SEPTIN9: variants seen among roughly 807,000 people sequenced by gnomAD.
SEPTIN9 encodes septin-9.
Under a neutral mutation model 56.6 loss-of-function variants are expected in SEPTIN9, and 13 were observed. The observed-to-expected ratio is 0.23, with a 90% CI of 0.15 to 0.37. The LOEUF (loss-of-function observed/expected upper bound fraction) is 0.37. Among genes scored for constraint, SEPTIN9 ranks in the 10% least tolerant of loss-of-function variants. The pLI is 1.00. For missense variants in SEPTIN9, 650 were observed against 823.1 expected (o/e 0.79, Z 2.57); for synonymous variants, 332 against 334.1 (o/e 0.99, Z 0.07).
chr17:77,408,504 C>T (rs925787569), intron 3 of SEPTIN9, among the ~76,000 whole-genome samples: 2 of 152,170 alleles, frequency 1.3e-5, no homozygotes, highest in African/African-American at 2.4e-5. Context: ...CGCACCGGGC[C>T]GTGTGTTCCA....
chr17:77,284,149 C>T (rs551897658), intron 1 of SEPTIN9, among the ~76,000 whole-genome samples: 1 of 152,308 alleles, frequency 6.6e-6, no homozygotes, highest in Non-Finnish European at 1.5e-5. Context: ...ACTCAGGAGG[C>T]TGAGACACGA....
intron 3 of SEPTIN9, chr17:77,469,660 G>A (rs968001666): frequency 6.6e-6 from 1 of 152,264 alleles, no homozygotes. Context: ...ACCAGGTAGC[G>A]GTCCATGCAC....
At chr17:77,347,738 A>G (rs529451654) in intron 2 of SEPTIN9, among the ~76,000 whole-genome samples, 2 of 152,132 alleles carry the variant, frequency 1.3e-5, no homozygotes, top group South Asian at 4.2e-4. Context: ...TACAGTAGAA[A>G]CTGTACTTTA....
chr17:77,498,003 G>T (rs1276494883), intron 11 of SEPTIN9, among the ~76,000 whole-genome samples: 1 of 152,158 alleles, frequency 6.6e-6, no homozygotes, highest in Admixed American at 6.5e-5. Context: ...CCTCCCTCCA[G>T]ATTATTCCTC....
rs59367573 is a variant in SEPTIN9, at chr17:77,458,721, C to T, written c.722-23423C>T. Among the ~76,000 whole-genome samples the T allele has an allele frequency of 6.3e-3, 961 of 152,134 alleles. 71 individuals are homozygous for T. In the East Asian group the frequency reaches 0.16, roughly 25 times the overall value. On this transcript the variant is annotated intron_variant, in intron 3 of 11. Transcript: ENST00000427177. ...TGGCAGCCACGGGCTGAGTGGCGGG[C>T]GGGAAGTGGGGAGCAGGAGCATGCA... is the stretch of plus-strand genomic sequence containing the variant.
At chr17:77,377,307 G>A (rs1459800007) in intron 2 of SEPTIN9, 2 of 152,090 alleles carry the variant, frequency 1.3e-5, no homozygotes, top group African/African-American at 2.4e-5. Context: ...CTTCTGGTTG[G>A]TGGAGGCACG....
At chr17:77,442,727 G>T (rs1165254633) in intron 3 of SEPTIN9, among the ~76,000 whole-genome samples, 1 of 151,830 alleles carries the variant, frequency 6.6e-6, no homozygotes, top group Admixed American at 6.6e-5. Context: ...ACAAAAATTA[G>T]CCGGGTATGG....
rs971156080 is a variant in SEPTIN9 at position 77,371,643 on chromosome 17, C to A, written c.77-30416C>A. Among the ~76,000 whole-genome samples the A allele has an allele frequency of 6.6e-6, 1 of 152,030 alleles. No homozygotes were observed. The highest frequency in any genetic ancestry group is 1.5e-5 in the Non-Finnish European group (1 of 68,008). ...GTAGGGGCTGGACTATCCGATAGGC[C>A]CAGGTGCTGGAGTTCAGACAAGACA... is the stretch of plus-strand genomic sequence containing the variant. On this transcript the variant is annotated intron_variant, in intron 2 of 11. Transcript: ENST00000427177. This position sits in a 1 kb window ranked among gnomAD's most constrained non-coding sequence, Gnocchi z 4.1.
chr17:77,293,941 T>C (rs2031684272), intron 1 of SEPTIN9, among the ~76,000 whole-genome samples: 1 of 151,412 alleles, frequency 6.6e-6, no homozygotes, highest in Non-Finnish European at 1.5e-5. Flanking sequence ...CCGTCTCTAC[T>C]AAAAATACAA....
At chr17:77,308,703 T>G (rs1420370110) in intron 2 of SEPTIN9, among the ~76,000 whole-genome samples, 2 of 152,210 alleles carry the variant, frequency 1.3e-5, no homozygotes, top group Non-Finnish European at 2.9e-5. Flanking sequence ...AAAGCCTGCT[T>G]CTGATCCTGA....
At position 77,500,297 on chromosome 17, in the gene SEPTIN9, CA is replaced by C; in HGVS notation, c.*1643del. On this transcript the variant is annotated 3_prime_UTR_variant, in exon 12 of 12. Transcript: ENST00000427177. ...CTTTGCCAACTTGCCATGTTTTTGC[CA>C]AAACCAAGATTTTGAAGGAAATGAG... 1 of 175,000 alleles carries C rather than the reference CA, an allele frequency of 5.7e-6. No homozygotes were observed. The highest frequency in any genetic ancestry group is 1.2e-5 in the Non-Finnish European group (1 of 82,898). 10.8% of individuals were successfully genotyped at this position (175,000 alleles called of 1,614,324 possible).
Position 77,399,645 on chromosome 17 carries a change from G to A in SEPTIN9, c.77-2414G>A, listed in dbSNP as rs190321233. Among the ~76,000 whole-genome samples the A allele has an allele frequency of 3.2e-3, 486 of 152,272 alleles. 4 individuals are homozygous for A. Among genetic ancestry groups the A allele is most frequent in the Non-Finnish European group, 5.8e-3 (397 of 68,022 alleles). On this transcript the variant is annotated intron_variant, in intron 2 of 11. Coordinates refer to ENST00000427177, the MANE Select transcript of SEPTIN9 (RefSeq NM_001113491.2). ...TATTCTTTACAGCCCAGGTTTAAGCGGGTGTAGATGTGATGAGCTTGGTAA... is the reference window on the plus strand; with the variant it reads ...TATTCTTTACAGCCCAGGTTTAAGCAGGTGTAGATGTGATGAGCTTGGTAA...
At position 77,402,742 on chromosome 17, in the gene SEPTIN9, TGGG is replaced by T. The variant is rs750202770; in HGVS notation, c.721+43_721+45del. The T allele has an allele frequency of 2.4e-5, 37 of 1,515,774 alleles. 1 individual carries two copies. The highest frequency in any genetic ancestry group is 3.3e-5 in the Non-Finnish European group (37 of 1,133,924). The allele number at this position is 1,515,774 out of a possible 1,614,324, so 93.9% of individuals were successfully genotyped here. A position where few individuals can be genotyped will look rare whatever the true frequency, so the allele number is the denominator to read the frequency against. On this transcript the variant is annotated intron_variant, in intron 3 of 11. Transcript: ENST00000427177. This position sits in a 1 kb window ranked among gnomAD's most constrained non-coding sequence, Gnocchi z 6.6. The stretch of plus-strand genomic sequence containing the variant: ...CGCTAGGTCTTGGATGCTGTGGTAA[TGGG>T]GGGCCTGGTTGCTGGCTTTGCCACA...
intron 3 of SEPTIN9, among the ~76,000 whole-genome samples, chr17:77,422,787 G>A (rs2036752045): frequency 6.6e-6 from 1 of 152,240 alleles, no homozygotes; most frequent in Admixed American, 6.5e-5. Flanking sequence ...TGAATTCCCT[G>A]CCGAAATGCA....
In SEPTIN9 at chr17:77,313,562, G is replaced by A. The variant is rs560842167; in HGVS notation, c.76+6365G>A. Among the ~76,000 whole-genome samples, 6 of 152,124 alleles carry A rather than the reference G, an allele frequency of 3.9e-5. No homozygotes were observed. The highest frequency in any genetic ancestry group is 2.1e-4 in the South Asian group (1 of 4,820). On this transcript the variant is annotated intron_variant, in intron 2 of 11. Transcript: ENST00000427177. The surrounding 1 kb of genome is among the most constrained non-coding windows in gnomAD (Gnocchi z 4.5). The stretch of plus-strand genomic sequence containing the variant: ...CCGTCTTGCTTGGGAGGCTGTAGGC[G>A]GGCCAGGCTGGGGCCAGCCTGGAGG...
In SEPTIN9 at chr17:77,400,887, G is replaced by A. The variant is rs764307600; in HGVS notation, c.77-1172G>A. On this transcript the variant is annotated intron_variant, in intron 2 of 11. Transcript: ENST00000427177. The surrounding 1 kb of genome is among the most constrained non-coding windows in gnomAD (Gnocchi z 4.1). ...CATTTGGAGTGCGGTTGTGGGGACT[G>A]TGGAGGTGGCAGCTTCCCAGGTACC... Among the ~76,000 whole-genome samples, 1 of 152,196 alleles carries A rather than the reference G, an allele frequency of 6.6e-6. No individual in the cohort carries two copies. The highest frequency in any genetic ancestry group is 1.5e-5 in the Non-Finnish European group (1 of 68,034).
At chr17:77,409,344 G>T (rs2036206094) in intron 3 of SEPTIN9, among the ~76,000 whole-genome samples, 1 of 152,154 alleles carries the variant, frequency 6.6e-6, no homozygotes, top group Admixed American at 6.5e-5. Flanking sequence ...GGTGGGACGG[G>T]GTGGGGCCAG....
chr17:77,387,017 G>T (rs2035360284), intron 2 of SEPTIN9, among the ~76,000 whole-genome samples: 3 of 152,240 alleles, frequency 2.0e-5, no homozygotes, highest in Non-Finnish European at 2.9e-5. Context: ...GAAAGTCCCA[G>T]GGTCAGTGTG....
chr17:77,358,320 A>C (rs1435941979), intron 2 of SEPTIN9, among the ~76,000 whole-genome samples: 1 of 152,154 alleles, frequency 6.6e-6, no homozygotes, highest in Non-Finnish European at 1.5e-5. Context: ...GTTATTTTCC[A>C]GTTCCAAATA....
Sources: gnomAD v4.1 joint callset for allele counts (sites outside exome capture counted in the v4.1 genomes callset) on GRCh38, gnomAD v4.1.1 for gene constraint, Gnocchi (gnomAD v3.1) non-coding constraint, MANE v1.5 for transcripts, NCBI Gene and HGNC (gene_info 2026-07-23, HGNC 2026-07-21) for gene names.